The following ADSS2 variants were observed in gnomAD, a reference collection of about 807,000 sequenced individuals.
ADSS2 encodes the protein adenylosuccinate synthetase isozyme 2.
A neutral mutation model predicts 60.0 loss-of-function variants in ADSS2; 30 were observed. The observed-to-expected ratio is 0.50, with a 90% confidence interval of 0.37 to 0.68. ADSS2 has a LOEUF of 0.68. ADSS2 is among the 30% of genes least tolerant of loss of function. The probability of loss-of-function intolerance (pLI) is 0.00; values close to 1 mark genes in which losing one functional copy is unlikely to be tolerated. For synonymous variants in ADSS2, 187 were observed against 193.1 expected (o/e 0.97, Z 0.26); for missense variants, 373 against 554.8 (o/e 0.67, Z 3.29).
chr1:244,432,883 T>C (rs992641679), intron 3 of ADSS2, among the ~76,000 whole-genome samples: 3 of 151,958 alleles, frequency 2.0e-5, no homozygotes, highest in Admixed American at 2.0e-4. Flanking sequence ...TTAGCCAGGA[T>C]GGTCTCGATC....
Position 244,451,148 on chromosome 1 carries a change from G to A in ADSS2, c.183+487C>T, listed in dbSNP as rs1474214479. On this transcript the variant is annotated intron_variant, in intron 1 of 12. Transcript: ENST00000366535. The surrounding 1 kb of genome is among the most constrained non-coding windows in gnomAD (Gnocchi z 6.6). ...TGGGGGATCGGTGAGTCTGATTTCA[G>A]GACGTTTCGAAACAATCCACTCCCA... Among the ~76,000 whole-genome samples, 1 of 152,152 alleles carries A rather than the reference G, an allele frequency of 6.6e-6. No homozygotes were observed. The highest frequency in any genetic ancestry group is 1.9e-4 in the East Asian group (1 of 5,162).
At position 244,424,345 on chromosome 1, in the gene ADSS2, T is replaced by C; in HGVS notation, c.449A>G (p.Gln150Arg). ...CTTTTTTCCTGCTTGTTCTTGTCTC[T>C]GTTGTTCCTGGATACCATCAGCTGC... Reference protein sequence around the residue: ...HQAADGIQEQQRQEQAGKNLG... With the variant: ...HQAADGIQEQRRQEQAGKNLG... The change falls in exon 5 of 13, where the codon CAG (glutamine) becomes CGG (arginine). Residue 150 changes from glutamine to arginine, a missense_variant. By Grantham distance (43) the Gln-to-Arg change is conservative. Transcript: ENST00000366535. 1 of 1,613,420 alleles carries C rather than the reference T, an allele frequency of 6.2e-7. No individual in the cohort carries two copies. The highest frequency in any genetic ancestry group is 8.5e-7 in the Non-Finnish European group (1 of 1,179,588).
chr1:244,451,524 A>C lies in ADSS2; in HGVS notation c.183+111T>G. On this transcript the variant is annotated intron_variant, in intron 1 of 12. Transcript: ENST00000366535. This position sits in a 1 kb window ranked among gnomAD's most constrained non-coding sequence, Gnocchi z 6.6. ...CAGGAGGAGAGAGCCTCAAGGTGAC[A>C]CCTCATTTTGGCCAGTGGATCCGGG... 9.4e-5 allele frequency: 94 copies of C among 1,004,624 alleles called. No homozygotes were observed. The highest frequency in any genetic ancestry group is 3.0e-4 in the Middle Eastern group (1 of 3,342). The allele number at this position is 1,004,624 out of a possible 1,614,324, so 62.2% of individuals were successfully genotyped here. A position where few individuals can be genotyped will look rare whatever the true frequency, so the allele number is the denominator to read the frequency against.
intron 1 of ADSS2, among the ~76,000 whole-genome samples, chr1:244,447,959 A>G (rs1488961666): frequency 6.6e-6 from 1 of 152,192 alleles, no homozygotes; most frequent in Non-Finnish European, 1.5e-5. Context: ...GAAAATTTAC[A>G]TTATAGTAGA....
intron 1 of ADSS2, among the ~76,000 whole-genome samples, chr1:244,444,464 G>GAGATC (rs1294410898): frequency 1.0e-4 from 13 of 126,656 alleles, no homozygotes; most frequent in Non-Finnish European, 1.3e-4. Flanking sequence ...GCAGTGAGCC[G>GAGATC]AGATCCCGCC....
intron 10 of ADSS2, among the ~76,000 whole-genome samples, 166 bp from the exon 11 acceptor site, chr1:244,416,244 G>A (rs956840356): frequency 2.6e-5 from 4 of 152,170 alleles, no homozygotes; most frequent in East Asian, 1.9e-4. Flanking sequence ...CACATAAGAC[G>A]CTAGAGGACA....
At position 244,438,419 on chromosome 1, in the gene ADSS2, A is replaced by G. The variant is rs570256106; in HGVS notation, c.184-651T>C. ...AACTGCTAACACTGAGAATCATACT[A>G]TAAACCCATGATTAAATTTCCATTC... is the stretch of plus-strand genomic sequence containing the variant. On this transcript the variant is annotated intron_variant, in intron 1 of 12. Coordinates refer to ENST00000366535, the MANE Select transcript of ADSS2 (RefSeq NM_001126.5). Among the ~76,000 whole-genome samples, 4 of 152,352 alleles carry G rather than the reference A, an allele frequency of 2.6e-5. No individual in the cohort carries two copies. The East Asian group carries it at 5.8e-4, about 22-fold the overall frequency.
rs567740254 is a variant in ADSS2, at chr1:244,437,176, T to TC, written c.287-284dup. 2.0e-3 allele frequency among the ~76,000 whole-genome samples: 308 copies of TC among 152,284 alleles called. 1 individual carries two copies. The highest frequency in any genetic ancestry group is 0.017 in the Middle Eastern group (5 of 294). On this transcript the variant is annotated intron_variant, in intron 2 of 12. Coordinates refer to ENST00000366535, the MANE Select transcript of ADSS2 (RefSeq NM_001126.5). ...GAACATGGTCACAGTACATGCTAAA[T>TC]CAGTATCTTTCAAGTTGGGGAATCA...
chr1:244,436,692 C>T, intron 3 of ADSS2, 133 bp downstream of exon 3: 2 of 630,170 alleles, frequency 3.2e-6, no homozygotes, highest in African/African-American at 1.8e-5. Flanking sequence ...AACTTAATAA[C>T]TGACATTAAA....
intron 2 of ADSS2, among the ~76,000 whole-genome samples, chr1:244,437,156 T>C (rs997856441): frequency 6.6e-6 from 1 of 152,166 alleles, no homozygotes; most frequent in Admixed American, 6.5e-5. Flanking sequence ...AAATGGAACA[T>C]GGTCACAGTA....
At chr1:244,441,193 G>T (rs1248600302) in intron 1 of ADSS2, among the ~76,000 whole-genome samples, 1 of 151,972 alleles carries the variant, frequency 6.6e-6, no homozygotes, top group Non-Finnish European at 1.5e-5. Context: ...CAAGTAGCTG[G>T]GACTACAGGC....
At chr1:244,437,891 C>T in intron 1 of ADSS2, 123 bp from the exon 2 acceptor site, 7 of 718,608 alleles carry the variant, frequency 9.7e-6, no homozygotes, top group Non-Finnish European at 1.7e-5. Flanking sequence ...AAATATTTAC[C>T]ACCTCTACTC....
intron 1 of ADSS2, among the ~76,000 whole-genome samples, chr1:244,449,282 G>A (rs1665474038): frequency 6.6e-6 from 1 of 152,180 alleles, no homozygotes; most frequent in African/African-American, 2.4e-5. Context: ...GTCCTTATGA[G>A]TCTACTGGTG....
intron 3 of ADSS2, among the ~76,000 whole-genome samples, chr1:244,434,803 G>T (rs1665043977): frequency 2.0e-5 from 3 of 152,112 alleles, no homozygotes. Flanking sequence ...AACGCAGAAA[G>T]GAGAAAAGAG....
At chr1:244,431,272 C>A (rs1664937566) in intron 4 of ADSS2, among the ~76,000 whole-genome samples, 1 of 152,068 alleles carries the variant, frequency 6.6e-6, no homozygotes, top group Non-Finnish European at 1.5e-5. Flanking sequence ...AAAATGACAA[C>A]CTCCTTCTTC....
At chr1:244,434,816 G>A (rs1388800052) in intron 3 of ADSS2, among the ~76,000 whole-genome samples, 1 of 152,014 alleles carries the variant, frequency 6.6e-6, no homozygotes, top group East Asian at 1.9e-4. Flanking sequence ...GAAAAGAGAT[G>A]GTAGCAAAGA....
intron 11 of ADSS2, among the ~76,000 whole-genome samples, chr1:244,415,256 C>T (rs78541513): frequency 6.6e-6 from 1 of 152,074 alleles, no homozygotes; most frequent in South Asian, 2.1e-4. Context: ...AATTAAGAAC[C>T]AGGACATAAC....
At chr1:244,442,693 C>T (rs1665277276) in intron 1 of ADSS2, among the ~76,000 whole-genome samples, 1 of 152,090 alleles carries the variant, frequency 6.6e-6, no homozygotes, top group African/African-American at 2.4e-5. Flanking sequence ...GAAAGAGCTG[C>T]TCATAAGGAG....
intron 1 of ADSS2, among the ~76,000 whole-genome samples, chr1:244,450,958 T>C (rs1052087718): frequency 7.2e-5 from 11 of 152,192 alleles, no homozygotes; most frequent in African/African-American, 2.7e-4. Context: ...CTAGTAAAAG[T>C]AATTTCTCCT....
Sources: gnomAD v4.1 joint callset for allele counts (sites outside exome capture counted in the v4.1 genomes callset) on GRCh38, gnomAD v4.1.1 for gene constraint, Gnocchi (gnomAD v3.1) non-coding constraint, MANE v1.5 for transcripts, NCBI Gene and HGNC (gene_info 2026-07-23, HGNC 2026-07-21) for gene names.